The following RORB variants were observed in gnomAD, a reference collection of about 807,000 sequenced individuals.
RORB encodes the protein RAR related orphan receptor B, also known as nuclear receptor ROR-beta.
A neutral mutation model predicts 59.1 loss-of-function variants in RORB; 6 were observed. The observed-to-expected ratio is 0.10, with a 90% CI of 0.06 to 0.20. The LOEUF is 0.20. Among genes scored for constraint, RORB ranks in the 10% least tolerant of loss-of-function variants. RORB has a pLI of 1.00. For synonymous variants in RORB, 215 were observed against 204.5 expected, an observed-to-expected ratio of 1.05 and a Z score of -0.44; for missense variants, 320 against 560.5, an observed-to-expected ratio of 0.57 and a Z score of 4.33.
intron 4 of RORB, among the ~76,000 whole-genome samples, chr9:74,657,496 C>T (rs1014094973): frequency 6.6e-5 from 10 of 152,078 alleles, no homozygotes; most frequent in African/African-American, 2.4e-4. Context: ...TCTATCTGTG[C>T]CTTCATAACA....
chr9:74,601,825 G>A (rs1823061473), intron 1 of RORB, among the ~76,000 whole-genome samples: 1 of 152,154 alleles, frequency 6.6e-6, no homozygotes, highest in Non-Finnish European at 1.5e-5. Flanking sequence ...GAATGGAAGT[G>A]AATGAGTTTT....
chr9:74,646,212 G>T (rs559281962), intron 4 of RORB, among the ~76,000 whole-genome samples: 1 of 152,154 alleles, frequency 6.6e-6, no homozygotes, highest in East Asian at 1.9e-4. Flanking sequence ...ATAATGAAAT[G>T]TATGCAACTA....
intron 1 of RORB, among the ~76,000 whole-genome samples, chr9:74,564,097 T>C (rs1275462470): frequency 1.3e-5 from 2 of 152,156 alleles, no homozygotes; most frequent in African/African-American, 4.8e-5. Flanking sequence ...CACAATAACA[T>C]ATATAAAGAA....
intron 1 of RORB, among the ~76,000 whole-genome samples, chr9:74,530,557 ATC>A (rs1441744413): frequency 2.0e-5 from 3 of 152,036 alleles, no homozygotes; most frequent in Non-Finnish European, 2.9e-5. Flanking sequence ...TGATCTGCAA[ATC>A]AGGCAAACAC....
At chr9:74,621,436 C>T (rs902789684) in intron 1 of RORB, among the ~76,000 whole-genome samples, 12 of 152,080 alleles carry the variant, frequency 7.9e-5, no homozygotes, top group Non-Finnish European at 1.6e-4. Context: ...TTTTATATTG[C>T]CAAATAATAT....
chr9:74,659,781 T>C (rs1297931923), intron 4 of RORB, among the ~76,000 whole-genome samples: 2 of 152,190 alleles, frequency 1.3e-5, no homozygotes, highest in African/African-American at 4.8e-5. Context: ...TCAACTTTCA[T>C]GTCTCCAAAC....
At chr9:74,663,725 A>T (rs1297230879) in intron 6 of RORB, among the ~76,000 whole-genome samples, 1 of 152,136 alleles carries the variant, frequency 6.6e-6, no homozygotes, top group African/African-American at 2.4e-5. Flanking sequence ...GCTCATTCAC[A>T]CAGCTGATGA....
chr9:74,542,010 CA>C (rs1156950520), intron 1 of RORB, among the ~76,000 whole-genome samples: 3 of 151,994 alleles, frequency 2.0e-5, no homozygotes, highest in Non-Finnish European at 4.4e-5. Flanking sequence ...CAATCCAATA[CA>C]AAAATTTATC....
intron 4 of RORB, among the ~76,000 whole-genome samples, chr9:74,657,552 A>G (rs1181790271): frequency 3.3e-5 from 5 of 152,064 alleles, no homozygotes; most frequent in Non-Finnish European, 7.4e-5. Context: ...CCATGTGACA[A>G]ACTGTGCTCA....
At chr9:74,528,839 G>A (rs973492070) in intron 1 of RORB, among the ~76,000 whole-genome samples, 1 of 151,938 alleles carries the variant, frequency 6.6e-6, no homozygotes, top group South Asian at 2.1e-4. Flanking sequence ...AGGCAATCCC[G>A]TGAAGTGGAT....
intron 1 of RORB, among the ~76,000 whole-genome samples, chr9:74,600,040 T>A (rs2118317765): frequency 1.3e-5 from 2 of 152,332 alleles, no homozygotes; most frequent in Non-Finnish European, 2.9e-5. Flanking sequence ...ACCTCTCAGA[T>A]AATGAACACT....
intron 7 of RORB, among the ~76,000 whole-genome samples, 163 bp from the exon 8 acceptor site, chr9:74,667,628 A>G (rs1418764482): frequency 6.6e-6 from 1 of 152,166 alleles, no homozygotes; most frequent in African/African-American, 2.4e-5. Context: ...TCATTCTTTG[A>G]TTAGTATCAA....
At position 74,581,933 on chromosome 9, in the gene RORB, G is replaced by A. The variant is rs147006525; in HGVS notation, c.8-48349G>A. Among the ~76,000 whole-genome samples, 95 of 151,976 alleles carry A rather than the reference G, an allele frequency of 6.3e-4. 1 individual carries two copies. In the East Asian group the frequency reaches 0.017, roughly 28 times the overall value. ...TGATTATTTTACATTCTAAAAAATA[G>A]CATTGCTATTTTAGCTCTTAAAGTC... is the stretch of plus-strand genomic sequence containing the variant. On this transcript the variant is annotated intron_variant, in intron 1 of 9. Coordinates refer to ENST00000376896, the MANE Select transcript of RORB (RefSeq NM_006914.4).
At chr9:74,663,146 C>T (rs1824216565) in intron 6 of RORB, among the ~76,000 whole-genome samples, 1 of 152,154 alleles carries the variant, frequency 6.6e-6, no homozygotes, top group Non-Finnish European at 1.5e-5. Flanking sequence ...ATATGACTGA[C>T]TTTGCGGATG....
intron 4 of RORB, among the ~76,000 whole-genome samples, chr9:74,658,502 AC>A (rs112924954): frequency 0.15 from 22,119 of 152,218 alleles, 1,809 homozygotes; most frequent in African/African-American, 0.2. Flanking sequence ...TCATAAAAGA[AC>A]AGATAAAGTT....
At chr9:74,554,402 A>G (rs1289521683) in intron 1 of RORB, among the ~76,000 whole-genome samples, 1 of 152,050 alleles carries the variant, frequency 6.6e-6, no homozygotes, top group Non-Finnish European at 1.5e-5. Context: ...GATATGCTTC[A>G]CCGAAGCACC....
intron 1 of RORB, among the ~76,000 whole-genome samples, chr9:74,625,175 G>A (rs999377286): frequency 6.6e-6 from 1 of 152,208 alleles, no homozygotes; most frequent in African/African-American, 2.4e-5. Context: ...CTTCGCAGGT[G>A]ATTTATGTGG....
chr9:74,542,060 G>A (rs1020210742), intron 1 of RORB, among the ~76,000 whole-genome samples: 2 of 151,942 alleles, frequency 1.3e-5, no homozygotes, highest in African/African-American at 4.8e-5. Flanking sequence ...CTATCTTGAA[G>A]CAAATGCAAT....
intron 1 of RORB, among the ~76,000 whole-genome samples, chr9:74,594,941 C>T (rs1822949918): frequency 6.6e-6 from 1 of 152,084 alleles, no homozygotes; most frequent in Non-Finnish European, 1.5e-5. Context: ...CTGTCTGTGC[C>T]ATTGATTATT....
Sources: allele counts gnomAD v4.1 joint callset (sites outside exome capture counted in the v4.1 genomes callset), GRCh38; gene constraint gnomAD v4.1.1; transcripts MANE v1.5; gene names NCBI Gene and HGNC (gene_info 2026-07-23, HGNC 2026-07-21).